The following SALL2 variants were observed in gnomAD, a reference collection of about 807,000 sequenced individuals.
SALL2 encodes the protein spalt like transcription factor 2, also known as sal-like protein 2.
Under a neutral mutation model 58.5 loss-of-function variants are expected in SALL2, and 32 were observed. The ratio of observed to expected loss-of-function variants is 0.55; its 90% CI spans 0.41 to 0.74. The LOEUF is 0.74. SALL2 is among the 30% of genes least tolerant of loss of function. SALL2 has a pLI of 0.00. For synonymous variants in SALL2, 516 were observed against 513.6 expected (o/e 1.00, Z -0.06); for missense variants, 1,201 against 1,268.9 (o/e 0.95, Z 0.81).
At chr14:21,536,400 T>C (rs1240977504) in intron 1 of SALL2, among the ~76,000 whole-genome samples, 3 of 152,068 alleles carry the variant, frequency 2.0e-5, no homozygotes. Flanking sequence ...AATGAGAAAC[T>C]TTTTTCTCGT....
intron 1 of SALL2, among the ~76,000 whole-genome samples, chr14:21,532,992 T>A (rs1451466120): frequency 2.0e-5 from 3 of 151,100 alleles, no homozygotes; most frequent in African/African-American, 4.9e-5. Flanking sequence ...AATAAATAAA[T>A]AAAATAATAA....
rs200715579 is a variant in SALL2, at chr14:21,522,208, T to C, written c.*496A>G. 6.3e-7 allele frequency: 1 copy of C among 1,597,176 alleles called. No homozygotes were observed. The highest frequency in any genetic ancestry group is 8.5e-7 in the Non-Finnish European group (1 of 1,179,384). On this transcript the variant is annotated 3_prime_UTR_variant, in exon 2 of 2. Coordinates refer to ENST00000537235, the MANE Select transcript of SALL2 (RefSeq NM_001364564.1). The stretch of plus-strand genomic sequence containing the variant: ...GTGGAGCTGGAATTCCAGGGCTTCA[T>C]GGGCAGGCCATTTGACAGGAATGCC...
At position 21,525,767 on chromosome 14, in the gene SALL2, C is replaced by T; in HGVS notation, c.68-113G>A. On this transcript the variant is annotated intron_variant, in intron 1 of 1. Transcript: ENST00000537235. This position sits in a 1 kb window ranked among gnomAD's most constrained non-coding sequence, Gnocchi z 4.4. ...CTAGTTGGGGGTGGGGAGATGAGCT[C>T]ACCATCAGGGCCATGCAGAAGTCTA... 8.2e-7 allele frequency: 1 copy of T among 1,214,904 alleles called. No homozygotes were observed. The highest frequency in any genetic ancestry group is 1.1e-6 in the Non-Finnish European group (1 of 887,194). The allele number at this position is 1,214,904 out of a possible 1,614,324, so 75.3% of individuals were successfully genotyped here. A position where few individuals can be genotyped will look rare whatever the true frequency, so the allele number is the denominator to read the frequency against.
upstream of SALL2, among the ~76,000 whole-genome samples, chr14:21,526,849 C>T (rs555783448): frequency 6.6e-6 from 1 of 152,146 alleles, no homozygotes; most frequent in South Asian, 2.1e-4. Flanking sequence ...CCATTCCCAC[C>T]CTACCCCCAT....
intron 1 of SALL2, among the ~76,000 whole-genome samples, chr14:21,532,453 T>A (rs1309864983): frequency 6.6e-6 from 1 of 150,514 alleles, no homozygotes; most frequent in Non-Finnish European, 1.5e-5. Context: ...ATGGTTAAAA[T>A]GGTAAATTTT....
intron 1 of SALL2, chr14:21,536,846 C>A (rs1422393210): frequency 6.2e-7 from 1 of 1,614,044 alleles, no homozygotes; most frequent in Non-Finnish European, 8.5e-7. Flanking sequence ...CCCAGGCACC[C>A]ACCGTTCTCA....
In SALL2 at chr14:21,525,453, A is replaced by G. The variant is rs760856227; in HGVS notation, c.269T>C (p.Met90Thr). The change falls in exon 2 of 2, where the codon ATG (methionine) becomes ACG (threonine). Residue 90 changes from methionine (M) to threonine (T), a missense_variant. Transcript: ENST00000537235. The surrounding 1 kb of genome is among the most constrained non-coding windows in gnomAD (Gnocchi z 4.4). The stretch of plus-strand genomic sequence containing the variant: ...TGGGGGGTTGCTATGCTCTGTGTCC[A>G]TGACCTGAGGATTATTGTGACCCTC... ...RPEGHNNPQV[M>T]DTEHSNPPDS... The G allele has an allele frequency of 6.8e-6, 11 of 1,613,792 alleles. No homozygotes were observed. The African/African-American group carries it at 1.5e-4, about 22-fold the overall frequency.
chr14:21,528,364 G>T (rs1388500246), upstream of SALL2, among the ~76,000 whole-genome samples: 1 of 152,118 alleles, frequency 6.6e-6, no homozygotes, highest in African/African-American at 2.4e-5. Context: ...TATTTCAAAG[G>T]TAGGAAGTCT....
upstream of SALL2, among the ~76,000 whole-genome samples, chr14:21,528,549 G>T (rs563496055): frequency 1.8e-4 from 27 of 152,216 alleles, no homozygotes; most frequent in Middle Eastern, 3.4e-3. Flanking sequence ...TTCTGAAATG[G>T]ACGGGTTCTG....
Position 21,526,330 on chromosome 14 carries a change from G to A in SALL2, c.-203C>T, listed in dbSNP as rs933989175. ...CGGGGAGAAGCTGGAGTGAGAAAGCGGGGAGAGGGGAGATCTGGGAGGAGC... is the reference window on the plus strand; with the variant it reads ...CGGGGAGAAGCTGGAGTGAGAAAGCAGGGAGAGGGGAGATCTGGGAGGAGC... On this transcript the variant is annotated 5_prime_UTR_variant, in exon 1 of 2. Coordinates refer to ENST00000537235, the MANE Select transcript of SALL2 (RefSeq NM_001364564.1). The A allele has an allele frequency of 5.6e-5, 80 of 1,431,094 alleles. No individual in the cohort carries two copies. The highest frequency in any genetic ancestry group is 6.3e-5 in the Non-Finnish European group (69 of 1,097,376). The allele number at this position is 1,431,094 out of a possible 1,614,324, so 88.6% of individuals were successfully genotyped here.
At chr14:21,535,083 C>T (rs771047835) in intron 1 of SALL2, among the ~76,000 whole-genome samples, 14 of 152,078 alleles carry the variant, frequency 9.2e-5, no homozygotes, top group South Asian at 4.1e-4. Flanking sequence ...CGGTGGCTCA[C>T]GCCTGTAATC....
chr14:21,522,081 T>C lies in SALL2; in HGVS notation c.*623A>G. The C allele has an allele frequency of 6.3e-7, 1 of 1,597,798 alleles. No individual in the cohort carries two copies. The highest frequency in any genetic ancestry group is 8.5e-7 in the Non-Finnish European group (1 of 1,179,604). ...AGGCTGAAATAGGAGGGGGGCTGTC[T>C]TCTCCTTGGCTTCCCTGGATCCCAT... On this transcript the variant is annotated 3_prime_UTR_variant, in exon 2 of 2. Transcript: ENST00000537235.
At chr14:21,535,382 GA>G (rs976652432) in intron 1 of SALL2, among the ~76,000 whole-genome samples, 2 of 141,390 alleles carry the variant, frequency 1.4e-5, no homozygotes, top group African/African-American at 2.6e-5. Context: ...GAAAAGAAAA[GA>G]AAAAAAAAGA....
chr14:21,522,937 T>C lies in SALL2; in HGVS notation c.2785A>G (p.Lys929Glu), dbSNP rs1182171452. Residue 929 changes from lysine to glutamate, a missense_variant, in exon 2 of 2, where the codon AAG (lysine) becomes GAG (glutamate). Physicochemically the swap from Lys to Glu is moderately conservative, Grantham distance 56 (BLOSUM62 1). Coordinates refer to ENST00000537235, the MANE Select transcript of SALL2 (RefSeq NM_001364564.1). Reference sequence around the variant, plus strand: ...AGCGGCCCCTCCTTGGGGTGGGTCTTCTGATGCTCCTCCAGAGCTGCCTGG... The same window carrying C: ...AGCGGCCCCTCCTTGGGGTGGGTCTCCTGATGCTCCTCCAGAGCTGCCTGG... ...PSQAALEEHQ[K>E]THPKEGPLFT... 1 of 1,613,942 alleles carries C rather than the reference T, an allele frequency of 6.2e-7. No individual in the cohort carries two copies. The highest frequency in any genetic ancestry group is 2.2e-5 in the East Asian group (1 of 44,882).
Position 21,522,072 on chromosome 14 carries a change from G to C in SALL2, c.*632C>G, listed in dbSNP as rs541184864. 2 of 1,597,478 alleles carry C rather than the reference G, an allele frequency of 1.3e-6. No individual in the cohort carries two copies. The highest frequency in any genetic ancestry group is 1.7e-6 in the Non-Finnish European group (2 of 1,179,534). On this transcript the variant is annotated 3_prime_UTR_variant, in exon 2 of 2. Coordinates refer to ENST00000537235, the MANE Select transcript of SALL2 (RefSeq NM_001364564.1). ...GGGTGCAGGAGGCTGAAATAGGAGGGGGGCTGTCTTCTCCTTGGCTTCCCT... is the reference window on the plus strand; with the variant it reads ...GGGTGCAGGAGGCTGAAATAGGAGGCGGGCTGTCTTCTCCTTGGCTTCCCT...
upstream of SALL2, among the ~76,000 whole-genome samples, chr14:21,530,281 C>CTTTTTTTTTTTTTTTTTTTTTTTT (rs34598628): frequency 3.1e-5 from 2 of 64,850 alleles, no homozygotes; most frequent in Non-Finnish European, 5.4e-5. Context: ...TTTTTTCTTT[C>CTTTTTTTTTTTTTTTTTTTTTTTT]TTTTTTTTTT....
upstream of SALL2, among the ~76,000 whole-genome samples, chr14:21,526,791 G>GCA (rs1892329576): frequency 6.6e-6 from 1 of 152,058 alleles, no homozygotes; most frequent in Non-Finnish European, 1.5e-5. Context: ...CTCCTCACCA[G>GCA]CACACACACC....
At chr14:21,534,759 A>G (rs1158693436) in intron 1 of SALL2, among the ~76,000 whole-genome samples, 1 of 152,088 alleles carries the variant, frequency 6.6e-6, no homozygotes, top group Non-Finnish European at 1.5e-5. Context: ...GTAGAGCACA[A>G]GCAGGAAACA....
At position 21,523,341 on chromosome 14, in the gene SALL2, A is replaced by G; in HGVS notation, c.2381T>C (p.Ile794Thr). ...CTCTTCTGAATCACCTCTCACTGAT[A>G]TTGCCTTCTCACCTCCACTCTCTGA... ...RGSESGGEKA[I>T]SVRGDSEEAS... Residue 794 changes from isoleucine to threonine, a missense_variant, in exon 2 of 2, where the codon ATA becomes ACA. Ile to Thr is a moderately conservative substitution (Grantham distance 89, BLOSUM62 -1). Coordinates refer to ENST00000537235, the MANE Select transcript of SALL2 (RefSeq NM_001364564.1). The surrounding 1 kb of genome is among the most constrained non-coding windows in gnomAD (Gnocchi z 4.4). The G allele has an allele frequency of 6.2e-7, 1 of 1,613,510 alleles. No individual in the cohort carries two copies. Among genetic ancestry groups the G allele is most frequent in the Non-Finnish European group, 8.5e-7 (1 of 1,179,990 alleles).
Sources: gnomAD v4.1 joint callset for allele counts (sites outside exome capture counted in the v4.1 genomes callset) on GRCh38, gnomAD v4.1.1 for gene constraint, Gnocchi (gnomAD v3.1) non-coding constraint, MANE v1.5 for transcripts, NCBI Gene and HGNC (gene_info 2026-07-23, HGNC 2026-07-21) for gene names.